Variants in ACVR1C observed in about 807,000 individuals in gnomAD.
ACVR1C encodes the protein activin receptor type-1C.
ACVR1C carries 23 observed loss-of-function variants against 57.9 expected under a neutral mutation model. The observed-to-expected ratio is 0.40, with a 90% CI of 0.29 to 0.56. The LOEUF is 0.56. ACVR1C is among the 20% of genes least tolerant of loss of function. The probability of loss-of-function intolerance (pLI) is 0.50; values close to 1 mark genes in which losing one functional copy is unlikely to be tolerated. For missense variants in ACVR1C, 480 were observed against 607.9 expected, an observed-to-expected ratio of 0.79 and a Z score of 2.21; for synonymous variants, 214 against 215.3, an observed-to-expected ratio of 0.99 and a Z score of 0.05.
At chr2:157,535,841 C>A (rs538197432) in intron 8 of ACVR1C, among the ~76,000 whole-genome samples, 1 of 152,108 alleles carries the variant, frequency 6.6e-6, no homozygotes, top group Non-Finnish European at 1.5e-5. Flanking sequence ...CAGGAGAGCA[C>A]GAATTCTGCC....
chr2:157,613,748 T>C (rs1682586055), intron 1 of ACVR1C, among the ~76,000 whole-genome samples: 1 of 152,202 alleles, frequency 6.6e-6, no homozygotes, highest in South Asian at 2.1e-4. Context: ...TGTTGTTATA[T>C]TTTTCTTCAA....
chr2:157,574,596 T>C (rs1430100112), intron 2 of ACVR1C, among the ~76,000 whole-genome samples: 1 of 152,130 alleles, frequency 6.6e-6, no homozygotes, highest in African/African-American at 2.4e-5. Flanking sequence ...ATAGACAGGT[T>C]TTATTTGATC....
chr2:157,544,418 GA>G (rs767617968), intron 5 of ACVR1C, 26 bp downstream of exon 5: 52 of 1,569,330 alleles, frequency 3.3e-5, no homozygotes, highest in East Asian at 1.8e-4. Flanking sequence ...ATTCAAAGTG[GA>G]AAAAAAATGA....
At chr2:157,555,530 T>C (rs1688079738) in intron 3 of ACVR1C, among the ~76,000 whole-genome samples, 2 of 152,252 alleles carry the variant, frequency 1.3e-5, no homozygotes, top group East Asian at 1.9e-4. Context: ...CTGCTCTCTT[T>C]AATCTTCTGT....
chr2:157,589,552 C>T (rs1689014511), intron 1 of ACVR1C, among the ~76,000 whole-genome samples: 1 of 151,822 alleles, frequency 6.6e-6, no homozygotes, highest in Non-Finnish European at 1.5e-5. Context: ...AATGGAAAAA[C>T]ATCCCATGCT....
At chr2:157,555,261 G>C (rs1688071996) in intron 3 of ACVR1C, among the ~76,000 whole-genome samples, 1 of 151,082 alleles carries the variant, frequency 6.6e-6, no homozygotes, top group Non-Finnish European at 1.5e-5. Context: ...TGGGACTACA[G>C]GCGCCCGCCA....
At chr2:157,539,316 G>A (rs1687564875) in intron 7 of ACVR1C, among the ~76,000 whole-genome samples, 1 of 151,568 alleles carries the variant, frequency 6.6e-6, no homozygotes, top group South Asian at 2.1e-4. Flanking sequence ...GTTGAAGATA[G>A]ACAGTTCAAC....
chr2:157,566,187 C>T (rs1688370005), intron 2 of ACVR1C, among the ~76,000 whole-genome samples: 2 of 151,994 alleles, frequency 1.3e-5, no homozygotes, highest in Non-Finnish European at 1.5e-5. Context: ...TTAAATCAAC[C>T]CTTTACATAA....
At chr2:157,581,518 G>C (rs1057320179) in intron 2 of ACVR1C, among the ~76,000 whole-genome samples, 2 of 152,026 alleles carry the variant, frequency 1.3e-5, no homozygotes, top group African/African-American at 2.4e-5. Context: ...GCTCTAGTCA[G>C]GAGAAAAATT....
At chr2:157,555,966 C>T (rs1220704722) in intron 3 of ACVR1C, 127 bp downstream of exon 3, 3 of 1,131,652 alleles carry the variant, frequency 2.7e-6, no homozygotes. Flanking sequence ...GTTCCTATAC[C>T]AGAGCTCACC....
chr2:157,572,366 T>TA (rs35364996), intron 2 of ACVR1C, among the ~76,000 whole-genome samples: 45,136 of 126,184 alleles, frequency 0.36, 7,428 homozygotes, highest in Non-Finnish European at 0.42. Context: ...TAGAGTATAA[T>TA]AAAAAAAAAA....
chr2:157,584,957 T>C (rs1029022342), intron 2 of ACVR1C, among the ~76,000 whole-genome samples: 1 of 152,214 alleles, frequency 6.6e-6, no homozygotes. Flanking sequence ...AAAAACATTA[T>C]GCTGACTGAA....
intron 4 of ACVR1C, among the ~76,000 whole-genome samples, chr2:157,547,674 T>C (rs1687800432): frequency 7.3e-6 from 1 of 136,668 alleles, no homozygotes; most frequent in African/African-American, 2.8e-5. Flanking sequence ...TGTTTGTTTT[T>C]CTCTTGTAAA....
At chr2:157,545,740 G>A (rs192486202) in intron 4 of ACVR1C, among the ~76,000 whole-genome samples, 20 of 152,164 alleles carry the variant, frequency 1.3e-4, no homozygotes, top group African/African-American at 4.8e-4. Context: ...AGGATAATAT[G>A]TCTTGTGCAT....
At chr2:157,624,138 T>C (rs1437036414) in intron 1 of ACVR1C, among the ~76,000 whole-genome samples, 1 of 152,210 alleles carries the variant, frequency 6.6e-6, no homozygotes, top group African/African-American at 2.4e-5. Context: ...ATAACATTAA[T>C]CATTTGGTAG....
chr2:157,623,625 G>A (rs1311969591), intron 1 of ACVR1C, among the ~76,000 whole-genome samples: 1 of 151,692 alleles, frequency 6.6e-6, no homozygotes, highest in Non-Finnish European at 1.5e-5. Flanking sequence ...GTTGGTGGGG[G>A]AGGTGGGGAT....
intron 1 of ACVR1C, among the ~76,000 whole-genome samples, chr2:157,589,508 C>A (rs1386570473): frequency 2.0e-5 from 3 of 151,570 alleles, no homozygotes; most frequent in African/African-American, 7.3e-5. Flanking sequence ...TTAATTATTT[C>A]TTTGGTTGTG....
intron 8 of ACVR1C, 30 bp downstream of exon 8, chr2:157,538,543 A>C: frequency 6.6e-7 from 1 of 1,515,256 alleles, no homozygotes; most frequent in Non-Finnish European, 8.8e-7. Context: ...AAATATAATA[A>C]GAAAAATATA....
At position 157,532,726 on chromosome 2, in the gene ACVR1C, C is replaced by T. The variant is rs150829087; in HGVS notation, c.*1192G>A. On this transcript the variant is annotated 3_prime_UTR_variant, in exon 9 of 9. Transcript: ENST00000243349. ...TCACTGTGAAAGGGTAGAGGAATAT[C>T]TATTTGCTGTTTCTGATACCGTCTG... The T allele has an allele frequency of 2.7e-4, 41 of 152,218 alleles. No homozygotes were observed. Among genetic ancestry groups the T allele is most frequent in the African/African-American group, 9.9e-4 (41 of 41,560 alleles). 9.4% of individuals were successfully genotyped at this position (152,218 alleles called of 1,614,324 possible). A position where few individuals can be genotyped will look rare whatever the true frequency, so the allele number is the denominator to read the frequency against.
Sources: gnomAD v4.1 joint callset for allele counts (sites outside exome capture counted in the v4.1 genomes callset) on GRCh38, gnomAD v4.1.1 for gene constraint, MANE v1.5 for transcripts, NCBI Gene and HGNC (gene_info 2026-07-23, HGNC 2026-07-21) for gene names.